The following NTNG1 variants were observed in gnomAD, a reference collection of about 807,000 sequenced individuals.
The protein encoded by NTNG1 is netrin-G1.
Under a neutral mutation model 54.0 loss-of-function variants are expected in NTNG1, and 16 were observed. The observed-to-expected ratio is 0.30, with a 90% confidence interval of 0.20 to 0.45. NTNG1 has a LOEUF of 0.45. Among genes scored for constraint, NTNG1 ranks in the 20% least tolerant of loss-of-function variants. NTNG1 has a pLI of 1.00. For missense variants in NTNG1, 530 were observed against 678.7 expected (o/e 0.78, Z 2.43); for synonymous variants, 255 against 263.1 (o/e 0.97, Z 0.30).
chr1:107,309,983 G>A (rs969043918), intron 2 of NTNG1, among the ~76,000 whole-genome samples: 1 of 151,954 alleles, frequency 6.6e-6, no homozygotes, highest in East Asian at 1.9e-4. Context: ...TTATTCATAG[G>A]TAAACCTAGG....
At position 107,324,451 on chromosome 1, in the gene NTNG1, G is replaced by A. The variant is rs1183826476; in HGVS notation, c.416G>A (p.Ser139Asn). ...CAGGTTAACATCACTCTGTCTTGGA[G>A]CAAAACCATTGAGCTAACAGACAAC... is the stretch of plus-strand genomic sequence containing the variant. ...PLQVNITLSWSKTIELTDNIV... is the reference protein window; with the variant it reads ...PLQVNITLSWNKTIELTDNIV... The change falls in exon 3 of 8, where the codon AGC (serine) becomes AAC (asparagine). Residue 139 changes from serine to asparagine, a missense_variant. Physicochemically the swap from Ser to Asn is conservative, Grantham distance 46 (BLOSUM62 1). This residue lies in a region of NTNG1 where 318 missense variants were observed against 465.1 expected (regional missense o/e 0.68). Coordinates refer to ENST00000370068, the MANE Select transcript of NTNG1 (RefSeq NM_001113226.3). 2 of 1,613,730 alleles carry A rather than the reference G, an allele frequency of 1.2e-6. No individual in the cohort carries two copies. The highest frequency in any genetic ancestry group is 1.7e-6 in the Non-Finnish European group (2 of 1,179,878).
At chr1:107,372,456 C>T (rs1414957365) in intron 3 of NTNG1, among the ~76,000 whole-genome samples, 1 of 151,796 alleles carries the variant, frequency 6.6e-6, no homozygotes, top group Non-Finnish European at 1.5e-5. Flanking sequence ...TATTTATTTA[C>T]CTAATATTTG....
chr1:107,172,824 C>T (rs1009494239), intron 2 of NTNG1, among the ~76,000 whole-genome samples: 3 of 152,218 alleles, frequency 2.0e-5, no homozygotes, highest in Admixed American at 6.5e-5. Flanking sequence ...TAAAAACTGG[C>T]ATTTTTCGAG....
intron 3 of NTNG1, among the ~76,000 whole-genome samples, chr1:107,390,369 A>G (rs1405923681): frequency 6.6e-6 from 1 of 152,210 alleles, no homozygotes; most frequent in Non-Finnish European, 1.5e-5. Flanking sequence ...TAATTACGCT[A>G]TGCAAATGCT....
At chr1:107,428,167 C>T (rs1675018173) in intron 5 of NTNG1, among the ~76,000 whole-genome samples, 1 of 152,070 alleles carries the variant, frequency 6.6e-6, no homozygotes, top group East Asian at 1.9e-4. Flanking sequence ...CATACCTTTG[C>T]CCACTCTTTA....
In NTNG1 at chr1:107,222,674, T is replaced by A. The variant is rs140367096; in HGVS notation, c.246+73835T>A. 8.7e-3 allele frequency among the ~76,000 whole-genome samples: 1,317 copies of A among 152,138 alleles called. 12 individuals carry two copies. Among genetic ancestry groups the A allele is most frequent in the Middle Eastern group, 0.017 (5 of 294 alleles). On this transcript the variant is annotated intron_variant, in intron 2 of 7. Coordinates refer to ENST00000370068, the MANE Select transcript of NTNG1 (RefSeq NM_001113226.3). ...CCCGTGGAAATGATGAAGATGTAGATGTGAAAAATGTTTTAGAGGTAAGAG... is the reference window on the plus strand; with the variant it reads ...CCCGTGGAAATGATGAAGATGTAGAAGTGAAAAATGTTTTAGAGGTAAGAG...
intron 4 of NTNG1, among the ~76,000 whole-genome samples, chr1:107,401,159 G>A (rs895625022): frequency 2.6e-5 from 4 of 152,120 alleles, no homozygotes; most frequent in Non-Finnish European, 4.4e-5. Context: ...AGTCTCACTG[G>A]TGCTCATGGC....
At chr1:107,194,273 G>A (rs1388146162) in intron 2 of NTNG1, among the ~76,000 whole-genome samples, 1 of 151,940 alleles carries the variant, frequency 6.6e-6, no homozygotes, top group Admixed American at 6.6e-5. Flanking sequence ...TATATCAGAT[G>A]GGTACCAGTG....
intron 2 of NTNG1, among the ~76,000 whole-genome samples, chr1:107,246,618 T>C (rs1362510180): frequency 6.6e-6 from 1 of 152,088 alleles, no homozygotes; most frequent in African/African-American, 2.4e-5. Flanking sequence ...ATATACATTA[T>C]AATTTTAAAA....
chr1:107,165,042 G>A (rs1275527111), intron 2 of NTNG1, among the ~76,000 whole-genome samples: 1 of 152,070 alleles, frequency 6.6e-6, no homozygotes. Flanking sequence ...GGCGGGAAGG[G>A]CGGTTACAGA....
chr1:107,467,968 C>A (rs976356018), intron 7 of NTNG1, among the ~76,000 whole-genome samples: 3 of 152,116 alleles, frequency 2.0e-5, no homozygotes, highest in Non-Finnish European at 4.4e-5. Flanking sequence ...TTCATTTTGC[C>A]TTGACATTGG....
At chr1:107,333,669 G>A (rs940468285) in intron 3 of NTNG1, among the ~76,000 whole-genome samples, 3 of 151,854 alleles carry the variant, frequency 2.0e-5, no homozygotes, top group Non-Finnish European at 4.4e-5. Context: ...TTGTGTGTGT[G>A]TGTGTGTTTA....
At chr1:107,309,667 C>G (rs1557888026) in intron 2 of NTNG1, among the ~76,000 whole-genome samples, 2 of 152,164 alleles carry the variant, frequency 1.3e-5, no homozygotes, top group Non-Finnish European at 2.9e-5. Context: ...CAACATTGGA[C>G]TCAACTTGAA....
intron 7 of NTNG1, among the ~76,000 whole-genome samples, chr1:107,461,439 A>T (rs1677274881): frequency 6.6e-6 from 1 of 152,154 alleles, no homozygotes; most frequent in South Asian, 2.1e-4. Flanking sequence ...GGTGCTGATG[A>T]GGGAGAGGTG....
chr1:107,311,999 G>A (rs1476675591), intron 2 of NTNG1, among the ~76,000 whole-genome samples: 1 of 152,136 alleles, frequency 6.6e-6, no homozygotes, highest in Admixed American at 6.6e-5. Context: ...CGCTCGAAGG[G>A]TAGTGAGAAA....
intron 2 of NTNG1, among the ~76,000 whole-genome samples, chr1:107,267,703 G>T (rs896658338): frequency 2.8e-4 from 43 of 152,176 alleles, no homozygotes; most frequent in African/African-American, 9.9e-4. Context: ...TCTTAACATA[G>T]AGCAATTAGC....
chr1:107,394,181 G>A (rs1672539138), intron 3 of NTNG1, among the ~76,000 whole-genome samples: 1 of 152,024 alleles, frequency 6.6e-6, no homozygotes, highest in East Asian at 1.9e-4. Context: ...TCTGACCTCT[G>A]GTTGTGGCCA....
intron 5 of NTNG1, among the ~76,000 whole-genome samples, chr1:107,429,691 C>A (rs1336073925): frequency 6.6e-6 from 1 of 152,132 alleles, no homozygotes; most frequent in African/African-American, 2.4e-5. Context: ...AAATGTCCAA[C>A]TAGGCCTACC....
At chr1:107,305,404 T>C (rs546652763) in intron 2 of NTNG1, among the ~76,000 whole-genome samples, 21 of 152,332 alleles carry the variant, frequency 1.4e-4, no homozygotes, top group African/African-American at 4.8e-4. Context: ...ATCTGTTGTT[T>C]CCTGACTTCT....
Sources: allele counts gnomAD v4.1 joint callset (sites outside exome capture counted in the v4.1 genomes callset), GRCh38; gene constraint gnomAD v4.1.1; regional missense constraint gnomAD v4.1.1; transcripts MANE v1.5; gene names NCBI Gene and HGNC (gene_info 2026-07-23, HGNC 2026-07-21).